The following CPA3 variants were observed in gnomAD, a reference collection of about 807,000 sequenced individuals.
The protein encoded by CPA3 is carboxypeptidase A3.
A neutral mutation model predicts 55.8 loss-of-function variants in CPA3; 52 were observed. The observed-to-expected ratio is 0.93, with a 90% CI of 0.75 to 1.17. CPA3 has a LOEUF of 1.17. Ranked by LOEUF, CPA3 falls within the 50% of genes most tolerant of loss-of-function variation. The probability of loss-of-function intolerance (pLI) is 0.00; values close to 1 mark genes in which losing one functional copy is unlikely to be tolerated. For missense variants in CPA3, 547 were observed against 509.1 expected, an observed-to-expected ratio of 1.07 and a Z score of -0.72; for synonymous variants, 179 against 171.2, an observed-to-expected ratio of 1.05 and a Z score of -0.36.
chr3:148,873,377 G>A (rs75963661), intron 3 of CPA3, among the ~76,000 whole-genome samples: 2,061 of 146,002 alleles, frequency 0.014, 57 homozygotes, highest in Admixed American at 0.074. Context: ...GCGCACACGC[G>A]CACACACACA....
At chr3:148,883,888 G>A (rs1714450506) in intron 9 of CPA3, 73 bp downstream of exon 9, 4 of 1,117,156 alleles carry the variant, frequency 3.6e-6, no homozygotes, top group South Asian at 1.4e-5. Context: ...CATTAACTTG[G>A]GTATGTTGAA....
intron 3 of CPA3, among the ~76,000 whole-genome samples, chr3:148,873,520 C>T (rs1325927978): frequency 6.6e-6 from 1 of 152,234 alleles, no homozygotes; most frequent in Non-Finnish European, 1.5e-5. Flanking sequence ...CTCATCTCTT[C>T]TCTGAACCTC....
At chr3:148,876,089 A>C (rs1289038549) in intron 3 of CPA3, among the ~76,000 whole-genome samples, 2 of 151,994 alleles carry the variant, frequency 1.3e-5, no homozygotes, top group Non-Finnish European at 2.9e-5. Context: ...AAGTATAAAG[A>C]TAGTTTTTTA....
chr3:148,879,929 C>A, intron 6 of CPA3, 40 bp downstream of exon 6: 1 of 1,368,978 alleles, frequency 7.3e-7, no homozygotes, highest in Non-Finnish European at 1.0e-6. Flanking sequence ...CTTTGACTGC[C>A]AAGTCTCCAG....
At chr3:148,880,042 T>C (rs528018443) in intron 6 of CPA3, among the ~76,000 whole-genome samples, 153 bp downstream of exon 6, 1 of 152,312 alleles carries the variant, frequency 6.6e-6, no homozygotes, top group South Asian at 2.1e-4. Flanking sequence ...ATTTTACTCA[T>C]CATTACAGTT....
chr3:148,876,240 A>G (rs976959433), intron 3 of CPA3, among the ~76,000 whole-genome samples: 3 of 151,678 alleles, frequency 2.0e-5, no homozygotes, highest in Non-Finnish European at 2.9e-5. Context: ...AAAATACTTA[A>G]CATTTTACTG....
chr3:148,870,550 T>G (rs1714034876), intron 3 of CPA3, among the ~76,000 whole-genome samples: 1 of 152,190 alleles, frequency 6.6e-6, no homozygotes, highest in Admixed American at 6.5e-5. Context: ...TATTGATGAC[T>G]TTTTCGGTTT....
At chr3:148,884,155 A>G (rs1013378185) in intron 9 of CPA3, among the ~76,000 whole-genome samples, 2 of 152,226 alleles carry the variant, frequency 1.3e-5, no homozygotes, top group Admixed American at 6.5e-5. Context: ...AAAAAGCCCA[A>G]TAGAATAGCA....
chr3:148,865,491 G>T lies in CPA3; in HGVS notation c.87G>T (p.Val29=), dbSNP rs770909885. ...CACAAAGGGAGAAGGTGTTCCGCGTGAAGCCCCAGGATGAAAAACAAGCAG... is the reference window on the plus strand; with the variant it reads ...CACAAAGGGAGAAGGTGTTCCGCGTTAAGCCCCAGGATGAAAAACAAGCAG... ...VRFDREKVFR[V]KPQDEKQADI... The change falls in exon 2 of 11, where the codon GTG becomes GTT. Residue 29 remains valine, a synonymous_variant. Transcript: ENST00000296046. The T allele has an allele frequency of 1.1e-5, 17 of 1,613,748 alleles. No individual in the cohort carries two copies. The highest frequency in any genetic ancestry group is 1.3e-5 in the African/African-American group (1 of 74,806).
At chr3:148,867,965 G>T (rs527420762) in intron 2 of CPA3, among the ~76,000 whole-genome samples, 1 of 152,068 alleles carries the variant, frequency 6.6e-6, no homozygotes, top group Non-Finnish European at 1.5e-5. Flanking sequence ...GCGAGATCTC[G>T]GCTCACTGCA....
At chr3:148,881,478 C>G (rs773052218) in intron 6 of CPA3, 44 bp from the exon 7 acceptor site, 3 of 1,223,104 alleles carry the variant, frequency 2.5e-6, no homozygotes, top group Non-Finnish European at 3.6e-6. Context: ...CACATAATAG[C>G]TAAACTTCAT....
intron 2 of CPA3, 72 bp from the exon 3 acceptor site, chr3:148,868,843 A>T (rs1713979202): frequency 1.3e-6 from 2 of 1,545,688 alleles, no homozygotes; most frequent in Non-Finnish European, 1.8e-6. Flanking sequence ...TGTATGAGAC[A>T]TGATCATTTC....
chr3:148,890,796 C>T (rs979101485), intron 10 of CPA3, among the ~76,000 whole-genome samples: 5 of 152,148 alleles, frequency 3.3e-5, no homozygotes, highest in Non-Finnish European at 7.4e-5. Flanking sequence ...TTATATGGAT[C>T]CCTTTGGGCT....
intron 6 of CPA3, among the ~76,000 whole-genome samples, chr3:148,880,400 C>T (rs1234506927): frequency 4.7e-5 from 7 of 150,522 alleles, no homozygotes; most frequent in Admixed American, 1.3e-4. Flanking sequence ...GGTGCAATCT[C>T]GTCTCACTGC....
Position 148,892,850 on chromosome 3 carries a change from C to T in CPA3, c.1067-3670C>T, listed in dbSNP as rs561961448. ...AAAGTTAGCCAGGTGTGGTGGCAGG[C>T]GCCTGTAGAGAGGAGAAGCACTTGG... is the stretch of plus-strand genomic sequence containing the variant. On this transcript the variant is annotated intron_variant, in intron 10 of 10. Coordinates refer to ENST00000296046, the MANE Select transcript of CPA3 (RefSeq NM_001870.4). Among the ~76,000 whole-genome samples the T allele has an allele frequency of 6.8e-3, 257 of 37,720 alleles. 1 individual carries two copies. Among genetic ancestry groups the T allele is most frequent in the African/African-American group, 0.016 (250 of 15,326 alleles). The allele number at this position is 37,720 out of a possible 152,430, so 24.7% of individuals were successfully genotyped here.
intron 7 of CPA3, 32 bp downstream of exon 7, chr3:148,881,664 G>A: frequency 7.0e-7 from 1 of 1,418,906 alleles, no homozygotes; most frequent in Non-Finnish European, 9.8e-7. Flanking sequence ...TTTGCATTTA[G>A]ATATTATTTG....
At chr3:148,873,036 ACACACACAC>A (rs1714106629) in intron 3 of CPA3, among the ~76,000 whole-genome samples, 3 of 150,836 alleles carry the variant, frequency 2.0e-5, no homozygotes, top group Non-Finnish European at 4.5e-5. Context: ...ACACACACAC[ACACACACAC>A]ACACACACAC....
chr3:148,874,602 T>A (rs563720126), intron 3 of CPA3, among the ~76,000 whole-genome samples: 7 of 152,300 alleles, frequency 4.6e-5, no homozygotes, highest in African/African-American at 1.7e-4. Context: ...TTAGATATGA[T>A]GTACATAATG....
chr3:148,878,682 T>A lies in CPA3; in HGVS notation c.408T>A (p.Tyr136Ter), dbSNP rs750988849. Residue 136 changes from tyrosine (Y) to a stop codon, truncating the protein, a stop_gained, in exon 5 of 11, where the codon TAT (tyrosine) becomes TAA (stop). Coordinates refer to ENST00000296046, the MANE Select transcript of CPA3 (RefSeq NM_001870.4). LOFTEE classifies it high-confidence loss of function. ...VAWTEKMMDK[Y>*]PEMVSRIKIG... is the part of the protein sequence containing the mutation. ...GGACTGAAAAGATGATGGATAAGTATCCTGAAATGGTCTCTCGTATTAAAA... is the reference window on the plus strand; with the variant it reads ...GGACTGAAAAGATGATGGATAAGTAACCTGAAATGGTCTCTCGTATTAAAA... 1.2e-6 allele frequency: 2 copies of A among 1,612,322 alleles called. No individual in the cohort carries two copies. The highest frequency in any genetic ancestry group is 3.3e-5 in the Admixed American group (2 of 59,938).
Sources: allele counts gnomAD v4.1 joint callset (sites outside exome capture counted in the v4.1 genomes callset), GRCh38; gene constraint gnomAD v4.1.1; transcripts MANE v1.5; gene names NCBI Gene and HGNC (gene_info 2026-07-23, HGNC 2026-07-21).